Variants in PDE7B observed in about 807,000 individuals in gnomAD.
The protein encoded by PDE7B is phosphodiesterase 7B.
In PDE7B, 29 loss-of-function variants were observed where a neutral mutation model predicts 56.2. That is an observed-to-expected ratio of 0.52 (90% confidence interval 0.38 to 0.70). PDE7B has a LOEUF of 0.70. PDE7B is among the 30% of genes least tolerant of loss of function. The pLI, the probability that PDE7B is intolerant of heterozygous loss-of-function variation, is 0.00. For synonymous variants in PDE7B, 197 were observed against 196.9 expected (o/e 1.00, Z 0.00); for missense variants, 490 against 565.0 (o/e 0.87, Z 1.35).
chr6:135,978,875 C>T (rs1312907134), intron 2 of PDE7B, among the ~76,000 whole-genome samples: 1 of 151,864 alleles, frequency 6.6e-6, no homozygotes, highest in Non-Finnish European at 1.5e-5. Context: ...TTATTTCCTT[C>T]TCCTGCCTAA....
intron 2 of PDE7B, among the ~76,000 whole-genome samples, chr6:135,984,251 C>T (rs73558771): frequency 0.02 from 3,108 of 152,238 alleles, 116 homozygotes; most frequent in African/African-American, 0.07. Flanking sequence ...AGTTATTCAT[C>T]GGAAGACCTG....
At chr6:136,044,237 C>T (rs1199114894) in intron 2 of PDE7B, 1 of 152,144 alleles carries the variant, frequency 6.6e-6, no homozygotes, top group Non-Finnish European at 1.5e-5. Flanking sequence ...AATTTTGTTA[C>T]AATTAGTGTA....
At chr6:135,985,162 G>A (rs1194118572) in intron 2 of PDE7B, among the ~76,000 whole-genome samples, 1 of 152,122 alleles carries the variant, frequency 6.6e-6, no homozygotes, top group Non-Finnish European at 1.5e-5. Flanking sequence ...CGTAAGAAAA[G>A]GACTGTCATG....
chr6:136,173,898 G>A lies in PDE7B; in HGVS notation c.803+10G>A, dbSNP rs757395322. 1.3e-6 allele frequency: 2 copies of A among 1,590,470 alleles called. No individual in the cohort carries two copies. Among genetic ancestry groups the A allele is most frequent in the South Asian group, 2.2e-5 (2 of 90,594 alleles). On this transcript the variant is annotated intron_variant, in intron 9 of 12. Coordinates refer to ENST00000308191, the MANE Select transcript of PDE7B (RefSeq NM_018945.4). Reference sequence around the variant, plus strand: ...TGCCAAAGGAAATGACGTAAGTGCTGCCGAGATGAAACATACTGATGTGCA... The same window carrying A: ...TGCCAAAGGAAATGACGTAAGTGCTACCGAGATGAAACATACTGATGTGCA...
rs557694839 is a variant in PDE7B at position 135,909,493 on chromosome 6, C to A, written c.22-37971C>A. Among the ~76,000 whole-genome samples the A allele has an allele frequency of 1.8e-4, 28 of 152,138 alleles. No homozygotes were observed. The South Asian group carries it at 5.6e-3, about 30-fold the overall frequency. ...TGGTGGTGTGCGCCTATAATCCCAG[C>A]TTCTCCAGAGGCTGAGGCACGAGAA... On this transcript the variant is annotated intron_variant, in intron 1 of 12. Coordinates refer to ENST00000308191, the MANE Select transcript of PDE7B (RefSeq NM_018945.4).
intron 1 of PDE7B, among the ~76,000 whole-genome samples, chr6:135,897,263 GGTGTGTGTGTGT>G (rs3037814): frequency 1.3e-5 from 2 of 150,016 alleles, no homozygotes; most frequent in Non-Finnish European, 3.0e-5. Context: ...ATTGTGTCAG[GGTGTGTGTGTGT>G]GTGTGTGTGT....
intron 1 of PDE7B, among the ~76,000 whole-genome samples, chr6:135,896,761 T>TA (rs1246867739): frequency 6.6e-6 from 1 of 152,138 alleles, no homozygotes; most frequent in Non-Finnish European, 1.5e-5. Context: ...CACCAAACCT[T>TA]AGACTACCCA....
intron 11 of PDE7B, 57 bp from the exon 12 acceptor site, chr6:136,186,979 T>C (rs1289951885): frequency 1.1e-6 from 1 of 874,616 alleles, no homozygotes; most frequent in African/African-American, 1.7e-5. Flanking sequence ...TTATTAATAC[T>C]CATTTTATAA....
At chr6:136,051,516 G>T (rs892151915) in intron 2 of PDE7B, among the ~76,000 whole-genome samples, 1 of 152,182 alleles carries the variant, frequency 6.6e-6, no homozygotes, top group Non-Finnish European at 1.5e-5. Flanking sequence ...TGTGAATTAT[G>T]GATTTTATGT....
chr6:136,005,350 A>C (rs555211542), intron 2 of PDE7B, among the ~76,000 whole-genome samples: 1 of 152,290 alleles, frequency 6.6e-6, no homozygotes, highest in African/African-American at 2.4e-5. Flanking sequence ...CAAAATTGAC[A>C]AATGGGATCT....
chr6:136,037,551 C>A (rs756264958), intron 2 of PDE7B: 576 of 985,440 alleles, frequency 5.8e-4, no homozygotes, highest in Non-Finnish European at 6.2e-4. Flanking sequence ...GCCCCCCAAC[C>A]CCCATCAGGC....
At chr6:136,172,931 G>T (rs1320066243) in intron 8 of PDE7B, among the ~76,000 whole-genome samples, 4 of 151,970 alleles carry the variant, frequency 2.6e-5, no homozygotes, top group Non-Finnish European at 5.9e-5. Flanking sequence ...AAATACCTAG[G>T]AATCCAACTT....
chr6:135,882,282 T>A (rs1775624399), intron 1 of PDE7B, among the ~76,000 whole-genome samples: 1 of 152,144 alleles, frequency 6.6e-6, no homozygotes, highest in South Asian at 2.1e-4. Flanking sequence ...ATTTTCTGTT[T>A]CCCTGAGTTA....
intron 9 of PDE7B, among the ~76,000 whole-genome samples, chr6:136,176,238 G>A (rs1778975149): frequency 6.6e-6 from 1 of 151,948 alleles, no homozygotes; most frequent in Admixed American, 6.6e-5. Context: ...TTTGATTCAT[G>A]AAACATTTCA....
intron 3 of PDE7B, among the ~76,000 whole-genome samples, chr6:136,134,593 G>A (rs996256002): frequency 4.6e-5 from 7 of 151,192 alleles, no homozygotes; most frequent in Non-Finnish European, 7.4e-5. Flanking sequence ...AAAACGTTTC[G>A]ATTGCCCAGA....
At chr6:136,121,913 T>C (rs1191193483) in intron 3 of PDE7B, among the ~76,000 whole-genome samples, 2 of 152,214 alleles carry the variant, frequency 1.3e-5, no homozygotes, top group Non-Finnish European at 2.9e-5. Flanking sequence ...GTAATCAGAA[T>C]TGATGTAAAA....
At chr6:136,039,808 T>G (rs1776385227) in intron 2 of PDE7B, among the ~76,000 whole-genome samples, 1 of 152,088 alleles carries the variant, frequency 6.6e-6, no homozygotes, top group Non-Finnish European at 1.5e-5. Flanking sequence ...GTGTTGCATG[T>G]GAGTAGGGTA....
rs1156601730 is a variant in PDE7B, at chr6:135,986,910, CAGA to C, written c.82+39392_82+39394del. Among the ~76,000 whole-genome samples, 6 of 152,224 alleles carry C rather than the reference CAGA, an allele frequency of 3.9e-5. No homozygotes were observed. The East Asian group carries it at 9.6e-4, about 24-fold the overall frequency. ...CCGTCCTAGGTTTAGACTTGTGGAG[CAGA>C]AGAAGTGAGAAGGGAAGACCTGATT... On this transcript the variant is annotated intron_variant, in intron 2 of 12. Coordinates refer to ENST00000308191, the MANE Select transcript of PDE7B (RefSeq NM_018945.4).
chr6:135,957,834 A>G (rs1774825320), intron 2 of PDE7B, among the ~76,000 whole-genome samples: 2 of 152,128 alleles, frequency 1.3e-5, no homozygotes, highest in South Asian at 2.1e-4. Context: ...ATGCCTCTAC[A>G]TCCACCTCCC....
Sources: allele counts gnomAD v4.1 joint callset (sites outside exome capture counted in the v4.1 genomes callset), GRCh38; gene constraint gnomAD v4.1.1; transcripts MANE v1.5; gene names NCBI Gene and HGNC (gene_info 2026-07-23, HGNC 2026-07-21).